The following KIF6 variants were observed in gnomAD, a reference collection of about 807,000 sequenced individuals.
The protein encoded by KIF6 is kinesin family member 6, also known as kinesin-like protein KIF6.
Under a neutral mutation model 112.7 loss-of-function variants are expected in KIF6, and 106 were observed. The ratio of observed to expected loss-of-function variants is 0.94; its 90% CI spans 0.80 to 1.11. The LOEUF is 1.11. KIF6 is among the 50% of genes least tolerant of loss of function. The pLI, the probability that KIF6 is intolerant of heterozygous loss-of-function variation, is 0.00. For missense variants in KIF6, 929 were observed against 964.0 expected (o/e 0.96, Z 0.48); for synonymous variants, 339 against 339.9 (o/e 1.00, Z 0.03).
At chr6:39,665,369 G>A (rs993191862) in intron 3 of KIF6, among the ~76,000 whole-genome samples, 1 of 152,124 alleles carries the variant, frequency 6.6e-6, no homozygotes, top group African/African-American at 2.4e-5. Flanking sequence ...TACACACAAA[G>A]TCAATGTGGT....
At chr6:39,657,253 A>G (rs1352739750) in intron 3 of KIF6, among the ~76,000 whole-genome samples, 1 of 129,824 alleles carries the variant, frequency 7.7e-6, no homozygotes, top group African/African-American at 4.5e-5. Context: ...AGAAAAAAGA[A>G]AAAAAAAAAG....
intron 19 of KIF6, among the ~76,000 whole-genome samples, chr6:39,351,712 G>C (rs924208757): frequency 1.3e-5 from 2 of 152,266 alleles, no homozygotes; most frequent in African/African-American, 4.8e-5. Context: ...CGCTGAGCAG[G>C]ATATTGCTAC....
intron 16 of KIF6, among the ~76,000 whole-genome samples, chr6:39,369,846 C>T (rs1328132220): frequency 6.6e-6 from 1 of 152,192 alleles, no homozygotes; most frequent in African/African-American, 2.4e-5. Flanking sequence ...TCTCATCTCT[C>T]TCCACGACTC....
intron 13 of KIF6, among the ~76,000 whole-genome samples, chr6:39,443,063 G>A (rs1489393986): frequency 2.0e-5 from 3 of 150,428 alleles, no homozygotes; most frequent in Non-Finnish European, 4.4e-5. Flanking sequence ...GCAGTGAGCC[G>A]AGATCACGCC....
chr6:39,612,798 T>A (rs1358643836), intron 6 of KIF6, among the ~76,000 whole-genome samples: 1 of 152,198 alleles, frequency 6.6e-6, no homozygotes, highest in Non-Finnish European at 1.5e-5. Context: ...AAAAATGGAC[T>A]GAGTATTTTT....
In KIF6 at chr6:39,334,408, C is replaced by T. The variant is rs1358025115; in HGVS notation, c.*2124G>A. 1 of 152,244 alleles carries T rather than the reference C, an allele frequency of 6.6e-6. No homozygotes were observed. Among genetic ancestry groups the T allele is most frequent in the African/African-American group, 2.4e-5 (1 of 41,450 alleles). The allele number at this position is 152,244 out of a possible 1,614,324, so 9.4% of individuals were successfully genotyped here. ...CCATCCTGAGCCACACAGTGAGACC[C>T]TGTCTCTACAAAAAATTTAAAACGA... On this transcript the variant is annotated 3_prime_UTR_variant, in exon 23 of 23. Transcript: ENST00000287152.
intron 13 of KIF6, among the ~76,000 whole-genome samples, chr6:39,453,489 T>A (rs1772836696): frequency 2.6e-5 from 4 of 152,232 alleles, no homozygotes; most frequent in East Asian, 1.9e-4. Flanking sequence ...GACTTCCAAC[T>A]GTTACATCCT....
chr6:39,670,450 A>G (rs185860763), intron 3 of KIF6, among the ~76,000 whole-genome samples: 4 of 152,326 alleles, frequency 2.6e-5, no homozygotes, highest in Admixed American at 2.6e-4. Flanking sequence ...AGCTACAGAA[A>G]ATATTATTAA....
intron 10 of KIF6, among the ~76,000 whole-genome samples, chr6:39,563,920 C>A (rs35516457): frequency 0.25 from 37,625 of 152,134 alleles, 5,718 homozygotes; most frequent in African/African-American, 0.41. Flanking sequence ...ATTTGCATTT[C>A]TTTGATAATT....
At position 39,365,925 on chromosome 6, in the gene KIF6, C is replaced by T. The variant is rs549114093; in HGVS notation, c.1862-3407G>A. Among the ~76,000 whole-genome samples the T allele has an allele frequency of 3.4e-3, 517 of 152,328 alleles. 8 individuals are homozygous for T. Among genetic ancestry groups the T allele is most frequent in the Non-Finnish European group, 5.2e-3 (353 of 68,038 alleles). On this transcript the variant is annotated intron_variant, in intron 16 of 22. Coordinates refer to ENST00000287152, the MANE Select transcript of KIF6 (RefSeq NM_145027.6). ...AACAGACAGCAGAAGGTAGGGGGGA[C>T]GGCCAGGGCGGCCTGCTTTTCCATT...
chr6:39,524,987 A>G (rs1777625848), intron 13 of KIF6, among the ~76,000 whole-genome samples: 1 of 152,206 alleles, frequency 6.6e-6, no homozygotes, highest in Non-Finnish European at 1.5e-5. Context: ...CTTAGTATTT[A>G]TAATCTTTTA....
At chr6:39,590,454 T>TA (rs1248884576) in intron 7 of KIF6, among the ~76,000 whole-genome samples, 328 of 140,346 alleles carry the variant, frequency 2.3e-3, no homozygotes, top group African/African-American at 8.6e-3. Context: ...TATATATATT[T>TA]TTTTTTTTTT....
At chr6:39,380,523 A>G (rs1162850317) in intron 16 of KIF6, among the ~76,000 whole-genome samples, 1 of 152,204 alleles carries the variant, frequency 6.6e-6, no homozygotes, top group Non-Finnish European at 1.5e-5. Flanking sequence ...ATAAAAGCAC[A>G]TGCACAGTCA....
chr6:39,724,180 GT>G, intron 1 of KIF6, among the ~76,000 whole-genome samples: 1 of 152,236 alleles, frequency 6.6e-6, no homozygotes, highest in South Asian at 2.1e-4. Flanking sequence ...GCTGGGCGCG[GT>G]GGCTCACGCC....
At chr6:39,582,187 C>T (rs1331378216) in intron 9 of KIF6, among the ~76,000 whole-genome samples, 1 of 152,068 alleles carries the variant, frequency 6.6e-6, no homozygotes, top group Non-Finnish European at 1.5e-5. Context: ...AATTATTCTC[C>T]TGTCTTATTG....
rs978856668 is a variant in KIF6 at position 39,361,299 on chromosome 6, C to T, written c.1947-769G>A. Among the ~76,000 whole-genome samples the T allele has an allele frequency of 2.0e-5, 3 of 152,008 alleles. No individual in the cohort carries two copies. In the East Asian group the frequency reaches 5.8e-4, roughly 29 times the overall value. ...GGAGGCTGGGTGTGGTGGTTCACAC[C>T]TGTAATCCCAGCACTTTGGGAGGCT... On this transcript the variant is annotated intron_variant, in intron 17 of 22. Transcript: ENST00000287152.
intron 16 of KIF6, among the ~76,000 whole-genome samples, chr6:39,383,442 T>A (rs1767143449): frequency 6.6e-6 from 1 of 152,240 alleles, no homozygotes; most frequent in African/African-American, 2.4e-5. Context: ...TTTATTTTTG[T>A]TGACTTTGTT....
At chr6:39,573,236 A>C in intron 10 of KIF6, among the ~76,000 whole-genome samples, 1 of 152,022 alleles carries the variant, frequency 6.6e-6, no homozygotes, top group Admixed American at 6.5e-5. Context: ...TTTGGGCGCA[A>C]TAAGAGGACT....
intron 3 of KIF6, among the ~76,000 whole-genome samples, chr6:39,710,883 A>C (rs1789510582): frequency 6.6e-6 from 1 of 151,890 alleles, no homozygotes; most frequent in African/African-American, 2.4e-5. Context: ...AAATTAGCCG[A>C]GTGTGGTAGC....
Sources: allele counts gnomAD v4.1 joint callset (sites outside exome capture counted in the v4.1 genomes callset), GRCh38; gene constraint gnomAD v4.1.1; transcripts MANE v1.5; gene names NCBI Gene and HGNC (gene_info 2026-07-23, HGNC 2026-07-21).